Variants in AAMDC observed in about 807,000 individuals in gnomAD.
AAMDC encodes the protein adipogenesis associated Mth938 domain containing.
AAMDC carries 16 observed loss-of-function variants against 15.5 expected under a neutral mutation model. The observed-to-expected ratio is 1.03, with a 90% confidence interval of 0.70 to 1.57. The LOEUF (loss-of-function observed/expected upper bound fraction) is 1.57. Among genes scored for constraint, AAMDC ranks in the 40% most tolerant of loss-of-function variants. The pLI is 0.00. For missense variants in AAMDC, 141 were observed against 144.9 expected (o/e 0.97, Z 0.14); for synonymous variants, 51 against 51.6 (o/e 0.99, Z 0.05).
At chr11:77,861,746 G>C (rs1950887429) in intron 2 of AAMDC, among the ~76,000 whole-genome samples, 1 of 152,200 alleles carries the variant, frequency 6.6e-6, no homozygotes, top group Non-Finnish European at 1.5e-5. Context: ...GTGTTCCAGA[G>C]CCTCCAAAGT....
intron 2 of AAMDC, among the ~76,000 whole-genome samples, chr11:77,854,194 G>A (rs992876428): frequency 7.9e-5 from 12 of 151,830 alleles, no homozygotes; most frequent in African/African-American, 1.2e-4. Flanking sequence ...GGGTTTCATC[G>A]TGTTAGCCAG....
At chr11:77,861,784 C>T (rs911713776) in intron 2 of AAMDC, among the ~76,000 whole-genome samples, 6 of 152,266 alleles carry the variant, frequency 3.9e-5, no homozygotes, top group African/African-American at 1.2e-4. Context: ...ATGACTAAAG[C>T]GGTGGCCTTT....
intron 1 of AAMDC, among the ~76,000 whole-genome samples, chr11:77,830,659 C>T (rs991600030): frequency 6.6e-6 from 1 of 151,920 alleles, no homozygotes; most frequent in Non-Finnish European, 1.5e-5. Flanking sequence ...CCCATAGGTC[C>T]GTGTGGGTTA....
exon 6 of AAMDC, chr11:77,900,666 C>T (rs1159967879): frequency 5.8e-6 from 4 of 691,274 alleles, no homozygotes; most frequent in East Asian, 2.7e-5. Context: ...TCTTAAGATG[C>T]ACCTTTATTT....
chr11:77,821,249 TGC>T lies in AAMDC; in HGVS notation c.-19+10_-19+11del, dbSNP rs1948883595. ...GAGGAGACAGTGCGGTGGGTGAGTT[TGC>T]GGGGGAATCCTGAAACTGGGCCACG... On this transcript the variant is annotated intron_variant, in intron 1 of 3. Transcript: ENST00000393427. 18 of 233,896 alleles carry T rather than the reference TGC, an allele frequency of 7.7e-5. 1 individual carries two copies. The highest frequency in any genetic ancestry group is 1.3e-3 in the Middle Eastern group (1 of 760). 14.5% of individuals were successfully genotyped at this position (233,896 alleles called of 1,614,324 possible).
chr11:77,898,227 G>A (rs1299575571), intron 5 of AAMDC, among the ~76,000 whole-genome samples: 2 of 152,088 alleles, frequency 1.3e-5, no homozygotes, highest in East Asian at 3.9e-4. Flanking sequence ...GCAGTGGTGC[G>A]ATCTCGGCTC....
chr11:77,869,654 C>T (rs1434968639), intron 2 of AAMDC, 68 bp from the exon 3 acceptor site: 1 of 1,423,174 alleles, frequency 7.0e-7, no homozygotes, highest in Non-Finnish European at 9.9e-7. Context: ...GAATGAATCC[C>T]ACAAGAATGC....
intron 5 of AAMDC, chr11:77,884,817 C>T (rs764853264): frequency 2.5e-5 from 10 of 406,360 alleles, no homozygotes; most frequent in Non-Finnish European, 3.6e-5. Context: ...TGCAGTGGCA[C>T]GATCATAACT....
At chr11:77,905,257 G>A (rs1450038434), downstream of AAMDC, among the ~76,000 whole-genome samples, 1 of 152,090 alleles carries the variant, frequency 6.6e-6, no homozygotes, top group Non-Finnish European at 1.5e-5. Context: ...AGGAGATGGA[G>A]ACCAGCCTGA....
chr11:77,834,989 A>C (rs1014938812), intron 1 of AAMDC, among the ~76,000 whole-genome samples: 1 of 152,234 alleles, frequency 6.6e-6, no homozygotes, highest in African/African-American at 2.4e-5. Flanking sequence ...TTTATAAAAA[A>C]AGTAACAACA....
chr11:77,892,105 A>G (rs1006868169), intron 5 of AAMDC, among the ~76,000 whole-genome samples: 7 of 152,238 alleles, frequency 4.6e-5, no homozygotes, highest in Non-Finnish European at 8.8e-5. Context: ...CAGCAATCCT[A>G]TGCATCATTA....
At chr11:77,853,126 G>T (rs973669310) in intron 2 of AAMDC, among the ~76,000 whole-genome samples, 2 of 152,104 alleles carry the variant, frequency 1.3e-5, no homozygotes, top group African/African-American at 2.4e-5. Flanking sequence ...TCCCCTTTTT[G>T]GGGGTTGTAC....
intron 1 of AAMDC, among the ~76,000 whole-genome samples, chr11:77,823,893 A>G (rs1773932539): frequency 6.6e-6 from 1 of 151,696 alleles, no homozygotes. Context: ...CCCACATTCC[A>G]GTGAGGTTGT....
chr11:77,830,668 TACACAG>T (rs1949381491), intron 1 of AAMDC, among the ~76,000 whole-genome samples: 1 of 151,974 alleles, frequency 6.6e-6, no homozygotes. Flanking sequence ...CCGTGTGGGT[TACACAG>T]TGGCACCCCA....
At chr11:77,885,724 C>A (rs181907061) in intron 5 of AAMDC, among the ~76,000 whole-genome samples, 110 of 152,088 alleles carry the variant, frequency 7.2e-4, no homozygotes, top group Middle Eastern at 6.8e-3. Flanking sequence ...GAGGCTGAAG[C>A]AGGAGAATCA....
chr11:77,852,967 A>G (rs929495429), intron 2 of AAMDC, among the ~76,000 whole-genome samples: 3 of 152,140 alleles, frequency 2.0e-5, no homozygotes, highest in African/African-American at 7.2e-5. Flanking sequence ...ATTGCTTTCA[A>G]TATTTTAGTA....
chr11:77,905,905 T>C (rs1431594782), intron 3 of AAMDC, among the ~76,000 whole-genome samples: 1 of 152,230 alleles, frequency 6.6e-6, no homozygotes, highest in Admixed American at 6.5e-5. Flanking sequence ...ATTAGTAACC[T>C]GAGTGTTTAT....
chr11:77,865,072 C>T (rs1398910371), intron 2 of AAMDC, among the ~76,000 whole-genome samples: 2 of 152,130 alleles, frequency 1.3e-5, no homozygotes, highest in African/African-American at 4.8e-5. Context: ...AGGTAAAGGC[C>T]CCTATAATAT....
At chr11:77,899,674 GA>G (rs1209388666) in intron 5 of AAMDC, among the ~76,000 whole-genome samples, 5 of 137,718 alleles carry the variant, frequency 3.6e-5, no homozygotes, top group East Asian at 2.1e-4. Context: ...TTGTCTAAAA[GA>G]AAAAAAAAAG....
Sources: gnomAD v4.1 joint callset for allele counts (sites outside exome capture counted in the v4.1 genomes callset) on GRCh38, gnomAD v4.1.1 for gene constraint, MANE v1.5 for transcripts, NCBI Gene and HGNC (gene_info 2026-07-23, HGNC 2026-07-21) for gene names.